The following SPOCK3 variants were observed in gnomAD, a reference collection of about 807,000 sequenced individuals.
SPOCK3 encodes SPARC (osteonectin), cwcv and kazal like domains proteoglycan 3.
SPOCK3 carries 30 observed loss-of-function variants against 56.6 expected under a neutral mutation model. The ratio of observed to expected loss-of-function variants is 0.53; its 90% CI spans 0.40 to 0.72. The LOEUF is 0.72. Ranked by LOEUF, SPOCK3 falls within the 30% of genes least tolerant of loss-of-function variation. The pLI, the probability that SPOCK3 is intolerant of heterozygous loss-of-function variation, is 0.00. For synonymous variants in SPOCK3, 196 were observed against 183.3 expected, an observed-to-expected ratio of 1.07 and a Z score of -0.56; for missense variants, 527 against 530.0, an observed-to-expected ratio of 0.99 and a Z score of 0.06.
chr4:167,039,982 C>T (rs1322668342), intron 3 of SPOCK3, among the ~76,000 whole-genome samples: 4 of 152,042 alleles, frequency 2.6e-5, no homozygotes, highest in African/African-American at 7.2e-5. Context: ...TTGCCTTTGG[C>T]CTTGAGTTAA....
chr4:167,034,466 T>A (rs1752553585), intron 3 of SPOCK3, among the ~76,000 whole-genome samples: 1 of 152,008 alleles, frequency 6.6e-6, no homozygotes, highest in Admixed American at 6.6e-5. Context: ...GAGATAAGAT[T>A]TAAAAGCACA....
At position 166,981,382 on chromosome 4, in the gene SPOCK3, G is replaced by A. The variant is rs117431840; in HGVS notation, c.350+18967C>T. Among the ~76,000 whole-genome samples, 58 of 152,156 alleles carry A rather than the reference G, an allele frequency of 3.8e-4. 3 individuals carry two copies. In the East Asian group the frequency reaches 0.01, roughly 27 times the overall value. ...TGGAGTGAGTAGCTCCTTTCTGCGGGCAGGAGATCCCAATGAGTGTCCAGC... is the reference window on the plus strand; with the variant it reads ...TGGAGTGAGTAGCTCCTTTCTGCGGACAGGAGATCCCAATGAGTGTCCAGC... On this transcript the variant is annotated intron_variant, in intron 4 of 10. Coordinates refer to ENST00000357545, the MANE Select transcript of SPOCK3 (RefSeq NM_001040159.2).
At chr4:166,950,551 C>T (rs1437220301) in intron 4 of SPOCK3, among the ~76,000 whole-genome samples, 2 of 151,726 alleles carry the variant, frequency 1.3e-5, no homozygotes, top group Non-Finnish European at 2.9e-5. Flanking sequence ...ACAAGAATAC[C>T]CAGGAATTGA....
intron 2 of SPOCK3, among the ~76,000 whole-genome samples, chr4:167,156,332 A>G (rs1764816712): frequency 6.6e-6 from 1 of 152,184 alleles, no homozygotes; most frequent in Admixed American, 6.6e-5. Context: ...ACTTCAATCC[A>G]TAAAAACGCA....
chr4:166,935,125 G>T (rs554230626), intron 4 of SPOCK3, among the ~76,000 whole-genome samples: 2 of 152,292 alleles, frequency 1.3e-5, no homozygotes, highest in African/African-American at 4.8e-5. Flanking sequence ...TTACGGGGCT[G>T]TGGAGGGAGT....
chr4:166,864,689 G>A (rs1731602110), intron 6 of SPOCK3, among the ~76,000 whole-genome samples: 1 of 152,076 alleles, frequency 6.6e-6, no homozygotes, highest in Non-Finnish European at 1.5e-5. Flanking sequence ...TAGAAGAAAT[G>A]AATAAATTCC....
At chr4:166,862,134 G>T (rs1294035281) in intron 6 of SPOCK3, among the ~76,000 whole-genome samples, 1 of 151,998 alleles carries the variant, frequency 6.6e-6, no homozygotes, top group Non-Finnish European at 1.5e-5. Context: ...ATAAATTCAG[G>T]AGTTCATGCA....
chr4:166,989,087 C>T (rs1189570117), intron 4 of SPOCK3, among the ~76,000 whole-genome samples: 1 of 152,030 alleles, frequency 6.6e-6, no homozygotes, highest in Non-Finnish European at 1.5e-5. Flanking sequence ...AGAATGTACT[C>T]TACCCCTACA....
intron 6 of SPOCK3, among the ~76,000 whole-genome samples, chr4:166,826,275 T>G (rs1186844784): frequency 1.3e-5 from 2 of 152,144 alleles, no homozygotes; most frequent in African/African-American, 4.8e-5. Context: ...TCATCAATTC[T>G]AAGATGCACT....
At chr4:167,024,267 A>T (rs1233842027) in intron 3 of SPOCK3, among the ~76,000 whole-genome samples, 1 of 152,076 alleles carries the variant, frequency 6.6e-6, no homozygotes, top group African/African-American at 2.4e-5. Flanking sequence ...TCCAGCTGAA[A>T]ATGACAGATT....
At chr4:167,186,622 T>C (rs1276753869) in intron 2 of SPOCK3, among the ~76,000 whole-genome samples, 2 of 150,992 alleles carry the variant, frequency 1.3e-5, no homozygotes, top group Non-Finnish European at 3.0e-5. Flanking sequence ...AGCAAAACTC[T>C]GTCTCAAAAA....
intron 2 of SPOCK3, among the ~76,000 whole-genome samples, chr4:167,187,987 C>G (rs1329933150): frequency 6.6e-6 from 1 of 152,038 alleles, no homozygotes; most frequent in East Asian, 1.9e-4. Flanking sequence ...TGTTTGTCAC[C>G]AGATGAGTGA....
chr4:166,747,624 G>A (rs1401855177), intron 8 of SPOCK3, among the ~76,000 whole-genome samples: 1 of 152,144 alleles, frequency 6.6e-6, no homozygotes, highest in Non-Finnish European at 1.5e-5. Flanking sequence ...ATTGTTGGAA[G>A]TGCTGGCCAG....
chr4:166,983,488 C>T (rs561766505), intron 4 of SPOCK3, among the ~76,000 whole-genome samples: 1 of 152,024 alleles, frequency 6.6e-6, no homozygotes, highest in South Asian at 2.1e-4. Flanking sequence ...TGGGCTCATC[C>T]ATGTTTCTCC....
chr4:166,741,124 G>A (rs914052777), intron 9 of SPOCK3, among the ~76,000 whole-genome samples: 2 of 152,108 alleles, frequency 1.3e-5, no homozygotes, highest in African/African-American at 4.8e-5. Flanking sequence ...AAATACACGA[G>A]TGTGTTAATA....
intron 2 of SPOCK3, among the ~76,000 whole-genome samples, chr4:167,070,328 A>T (rs536310381): frequency 9.9e-5 from 15 of 152,082 alleles, no homozygotes; most frequent in African/African-American, 3.4e-4. Flanking sequence ...TTCTACAACC[A>T]TTTTATTTTC....
intron 2 of SPOCK3, among the ~76,000 whole-genome samples, chr4:167,217,903 C>A (rs1156264557): frequency 6.8e-6 from 1 of 147,696 alleles, no homozygotes; most frequent in African/African-American, 2.6e-5. Flanking sequence ...TTTAAATATA[C>A]AGTTTCATTA....
At chr4:167,113,875 C>T (rs115640546) in intron 2 of SPOCK3, among the ~76,000 whole-genome samples, 25,186 of 151,890 alleles carry the variant, frequency 0.17, 2,565 homozygotes, top group African/African-American at 0.26. Context: ...CCTTCATTTG[C>T]TGCTTCCCAC....
chr4:167,046,108 C>T (rs187909488), intron 3 of SPOCK3, among the ~76,000 whole-genome samples: 88 of 152,102 alleles, frequency 5.8e-4, no homozygotes, highest in Admixed American at 1.3e-3. Context: ...GTTTTTTTTA[C>T]CCCCTTTCAG....
Sources: allele counts gnomAD v4.1 joint callset (sites outside exome capture counted in the v4.1 genomes callset), GRCh38; gene constraint gnomAD v4.1.1; transcripts MANE v1.5; gene names NCBI Gene and HGNC (gene_info 2026-07-23, HGNC 2026-07-21).